The following PPP1R3B variants were observed in gnomAD, a reference collection of about 807,000 sequenced individuals.
PPP1R3B encodes PP1 subunit R4.
Under a neutral mutation model 14.6 loss-of-function variants are expected in PPP1R3B, and 8 were observed. That is an observed-to-expected ratio of 0.55 (90% CI 0.32 to 0.99). The LOEUF (loss-of-function observed/expected upper bound fraction) is 0.99. PPP1R3B is among the 50% of genes least tolerant of loss of function. The probability of loss-of-function intolerance (pLI) is 0.04; values close to 1 mark genes in which losing one functional copy is unlikely to be tolerated. For missense variants in PPP1R3B, 452 were observed against 360.1 expected (o/e 1.26, Z -2.07); for synonymous variants, 169 against 142.0 (o/e 1.19, Z -1.35).
chr8:9,137,062 T>C lies in PPP1R3B; in HGVS notation c.*3732A>G, dbSNP rs1267768512. The C allele has an allele frequency of 1.3e-5, 2 of 152,220 alleles. No individual in the cohort carries two copies. The highest frequency in any genetic ancestry group is 1.5e-5 in the Non-Finnish European group (1 of 68,036). The allele number at this position is 152,220 out of a possible 1,614,324, so 9.4% of individuals were successfully genotyped here. ...CTAAGAATGTATAATTTTGCCACCA[T>C]TAAAATGAAATCTTAAAGGTAAATT... is the stretch of plus-strand genomic sequence containing the variant. On this transcript the variant is annotated 3_prime_UTR_variant, in exon 2 of 2. Coordinates refer to ENST00000310455, the MANE Select transcript of PPP1R3B (RefSeq NM_024607.4).
At chr8:9,141,856 G>A in intron 1 of PPP1R3B, 188 bp from the exon 2 acceptor site, 1 of 177,854 alleles carries the variant, frequency 5.6e-6, no homozygotes, top group Non-Finnish European at 1.1e-5. Context: ...AGATTATGTT[G>A]TGGGGGGACG....
chr8:9,149,376 G>A (rs547133883), intron 1 of PPP1R3B, among the ~76,000 whole-genome samples: 4 of 151,188 alleles, frequency 2.6e-5, no homozygotes, highest in Non-Finnish European at 5.9e-5. Flanking sequence ...GGTGGCGGGC[G>A]CCTGTAGTCC....
chr8:9,141,064 G>C lies in PPP1R3B; in HGVS notation c.588C>G (p.Ile196Met), dbSNP rs1801063472. The C allele has an allele frequency of 6.2e-7, 1 of 1,614,070 alleles. No homozygotes were observed. Among genetic ancestry groups the C allele is most frequent in the South Asian group, 1.1e-5 (1 of 91,088 alleles). ...GSDRDTFSFD[I>M]SLPEKIQSYE... ...AAGACTGAATCTTCTCGGGCAAGCT[G>C]ATGTCGAAGGAGAACGTGTCCCTGT... Residue 196 changes from isoleucine to methionine, a missense_variant, in exon 2 of 2, where the codon ATC becomes ATG. Physicochemically the swap from Ile to Met is conservative, Grantham distance 10. Transcript: ENST00000310455.
At position 9,141,415 on chromosome 8, in the gene PPP1R3B, G is replaced by T. The variant is rs926428644; in HGVS notation, c.237C>A (p.Phe79Leu). 3 of 1,614,086 alleles carry T rather than the reference G, an allele frequency of 1.9e-6. No homozygotes were observed. The highest frequency in any genetic ancestry group is 3.3e-4 in the Middle Eastern group (2 of 6,082). The change falls in exon 2 of 2, where the codon TTC becomes TTA. Residue 79 changes from phenylalanine to leucine, a missense_variant. Physicochemically the swap from Phe to Leu is conservative, Grantham distance 22. Coordinates refer to ENST00000310455, the MANE Select transcript of PPP1R3B (RefSeq NM_024607.4). The part of the protein sequence containing the change: ...QGLALTMVKV[F>L]SEFDDPLDMP... ...TATCTAGCGGGTCATCGAATTCCGA[G>T]AACACTTTGACCATTGTCAGGGCCA...
chr8:9,144,162 T>C (rs754758392), intron 1 of PPP1R3B, among the ~76,000 whole-genome samples: 86 of 151,772 alleles, frequency 5.7e-4, no homozygotes, highest in Non-Finnish European at 4.0e-4. Context: ...AGGAAAAAAA[T>C]TGAAAAGATA....
chr8:9,143,922 A>G (rs879761453), intron 1 of PPP1R3B, among the ~76,000 whole-genome samples: 5 of 152,176 alleles, frequency 3.3e-5, no homozygotes. Flanking sequence ...AAACTGTGAA[A>G]ATATTTTACA....
Position 9,139,197 on chromosome 8 carries a change from C to T in PPP1R3B, c.*1597G>A, listed in dbSNP as rs1178127858. Reference sequence around the variant, plus strand: ...CTTCCCAAAGTGCAGGGATTACAGGCATAAGCCACCACACTCGGCCCCAGA... The same window carrying T: ...CTTCCCAAAGTGCAGGGATTACAGGTATAAGCCACCACACTCGGCCCCAGA... On this transcript the variant is annotated 3_prime_UTR_variant, in exon 2 of 2. Transcript: ENST00000310455. 1 of 152,266 alleles carries T rather than the reference C, an allele frequency of 6.6e-6. No individual in the cohort carries two copies. Among genetic ancestry groups the T allele is most frequent in the Non-Finnish European group, 1.5e-5 (1 of 68,064 alleles). The allele number at this position is 152,266 out of a possible 1,614,324, so 9.4% of individuals were successfully genotyped here.
In PPP1R3B at chr8:9,140,795, T is replaced by G; in HGVS notation, c.857A>C (p.Ter286SerextTer1). The part of the protein sequence containing the change: ...LGYEKLGPYY[*>S] ...GCCACGCCCTGTCACCTGCAGTCAC[T>G]AGTAGTAGGGCCCTAGCTTTTCATA... The change falls in exon 2 of 2, where the codon TAG becomes TCG. Residue 286 changes from the stop codon to serine, a stop_lost. Coordinates refer to ENST00000310455, the MANE Select transcript of PPP1R3B (RefSeq NM_024607.4). 6.2e-7 allele frequency: 1 copy of G among 1,613,662 alleles called. No homozygotes were observed. The highest frequency in any genetic ancestry group is 8.5e-7 in the Non-Finnish European group (1 of 1,179,782).
At chr8:9,147,747 C>A (rs574982366) in intron 1 of PPP1R3B, among the ~76,000 whole-genome samples, 1 of 149,214 alleles carries the variant, frequency 6.7e-6, no homozygotes, top group Non-Finnish European at 1.5e-5. Context: ...AGCAGAAGTC[C>A]GGCTTGGAGA....
At position 9,138,921 on chromosome 8, in the gene PPP1R3B, C is replaced by G. The variant is rs931445512; in HGVS notation, c.*1873G>C. The G allele has an allele frequency of 6.6e-6, 1 of 152,100 alleles. No individual in the cohort carries two copies. Among genetic ancestry groups the G allele is most frequent in the East Asian group, 1.9e-4 (1 of 5,200 alleles). 9.4% of individuals were successfully genotyped at this position (152,100 alleles called of 1,614,324 possible). ...GGGGCCTATCTGATAATGACTGTCC[C>G]GGAAGTCTCTCTTTTTTGAGACAGT... On this transcript the variant is annotated 3_prime_UTR_variant, in exon 2 of 2. Transcript: ENST00000310455.
Position 9,141,462 on chromosome 8 carries a change from A to C in PPP1R3B, c.190T>G (p.Ser64Ala), listed in dbSNP as rs1801084385. Reference sequence around the variant, plus strand: ...GCCAGCCCCTGGTTGTCTGCGAAGGACACCCGCTTTTTCACCTTCTTCTCC... The same window carrying C: ...GCCAGCCCCTGGTTGTCTGCGAAGGCCACCCGCTTTTTCACCTTCTTCTCC... ...VQEKKVKKRV[S>A]FADNQGLALT... The change falls in exon 2 of 2, where the codon TCC (serine) becomes GCC (alanine). Residue 64 changes from serine to alanine, a missense_variant. Ser to Ala is a moderately conservative substitution (Grantham distance 99). Coordinates refer to ENST00000310455, the MANE Select transcript of PPP1R3B (RefSeq NM_024607.4). 1 of 1,613,970 alleles carries C rather than the reference A, an allele frequency of 6.2e-7. No individual in the cohort carries two copies. The highest frequency in any genetic ancestry group is 1.1e-5 in the South Asian group (1 of 91,076).
At position 9,136,656 on chromosome 8, in the gene PPP1R3B, C is replaced by T. The variant is rs1196113467; in HGVS notation, c.*4138G>A. On this transcript the variant is annotated 3_prime_UTR_variant, in exon 2 of 2. Coordinates refer to ENST00000310455, the MANE Select transcript of PPP1R3B (RefSeq NM_024607.4). Reference sequence around the variant, plus strand: ...TCCTTCCCAGTTCCACATGTGTTGTCTCACTGCAGGAAATTAAGATAAGCT... The same window carrying T: ...TCCTTCCCAGTTCCACATGTGTTGTTTCACTGCAGGAAATTAAGATAAGCT... The T allele has an allele frequency of 6.6e-5, 10 of 152,228 alleles. No individual in the cohort carries two copies. The highest frequency in any genetic ancestry group is 1.3e-4 in the Non-Finnish European group (9 of 68,044). 9.4% of individuals were successfully genotyped at this position (152,228 alleles called of 1,614,324 possible).
intron 1 of PPP1R3B, among the ~76,000 whole-genome samples, chr8:9,148,076 T>C (rs1801294611): frequency 6.6e-6 from 1 of 152,172 alleles, no homozygotes; most frequent in South Asian, 2.1e-4. Flanking sequence ...TCTCCAAGAA[T>C]CAGCACACCA....
At chr8:9,146,562 C>A (rs1224841921) in intron 1 of PPP1R3B, among the ~76,000 whole-genome samples, 1 of 152,232 alleles carries the variant, frequency 6.6e-6, no homozygotes, top group African/African-American at 2.4e-5. Context: ...AAGTACAGAA[C>A]TTCCCTGGGA....
chr8:9,148,092 C>T (rs570785813), intron 1 of PPP1R3B, among the ~76,000 whole-genome samples: 1 of 152,324 alleles, frequency 6.6e-6, no homozygotes, highest in South Asian at 2.1e-4. Context: ...CACCAAAGTG[C>T]TGGTTTGGTG....
In PPP1R3B at chr8:9,137,023, C is replaced by T. The variant is rs1800911366; in HGVS notation, c.*3771G>A. The T allele has an allele frequency of 6.6e-6, 1 of 152,158 alleles. No individual in the cohort carries two copies. Among genetic ancestry groups the T allele is most frequent in the Non-Finnish European group, 1.5e-5 (1 of 68,028 alleles). 9.4% of individuals were successfully genotyped at this position (152,158 alleles called of 1,614,324 possible). A position where few individuals can be genotyped will look rare whatever the true frequency, so the allele number is the denominator to read the frequency against. On this transcript the variant is annotated 3_prime_UTR_variant, in exon 2 of 2. Coordinates refer to ENST00000310455, the MANE Select transcript of PPP1R3B (RefSeq NM_024607.4). ...CCACAGAGCAATCTCCTAACAGTTC[C>T]AAATTTACATCTTCTAAGAATGTAT... is the stretch of plus-strand genomic sequence containing the variant.
chr8:9,149,144 G>C (rs1267371098), intron 1 of PPP1R3B, among the ~76,000 whole-genome samples: 4 of 134,170 alleles, frequency 3.0e-5, no homozygotes, highest in Non-Finnish European at 6.2e-5. Flanking sequence ...AGTGAGCCGA[G>C]ATGGCGCCAC....
At chr8:9,145,876 C>CTT (rs35263278) in intron 1 of PPP1R3B, among the ~76,000 whole-genome samples, 13 of 151,264 alleles carry the variant, frequency 8.6e-5, no homozygotes, top group South Asian at 2.1e-4. Context: ...AAGCTGAGCA[C>CTT]TTTTTTTTTA....
rs749913321 is a variant in PPP1R3B at position 9,141,220 on chromosome 8, G to A, written c.432C>T (p.Ala144=). Residue 144 remains alanine (A), a synonymous_variant, in exon 2 of 2, where the codon GCC becomes GCT. Transcript: ENST00000310455. ...CLENCVLKDK[A]IAGTVKVQNL... is the part of the protein sequence containing the mutation. ...TCTGAACCTTCACAGTGCCTGCAAT[G>A]GCCTTGTCCTTGAGCACACAGTTCT... 67 of 1,614,018 alleles carry A rather than the reference G, an allele frequency of 4.2e-5. No homozygotes were observed. The highest frequency in any genetic ancestry group is 5.5e-5 in the Non-Finnish European group (65 of 1,180,046).
Sources: gnomAD v4.1 joint callset for allele counts (sites outside exome capture counted in the v4.1 genomes callset) on GRCh38, gnomAD v4.1.1 for gene constraint, MANE v1.5 for transcripts, NCBI Gene and HGNC (gene_info 2026-07-23, HGNC 2026-07-21) for gene names.